PLCB2: variants seen among roughly 807,000 people sequenced by gnomAD.
PLCB2 encodes phospholipase C beta 2, also known as 1-phosphatidylinositol 4,5-bisphosphate phosphodiesterase beta-2.
PLCB2 carries 115 observed loss-of-function variants against 141.7 expected under a neutral mutation model. That is an observed-to-expected ratio of 0.81 (90% CI 0.70 to 0.95). The LOEUF (loss-of-function observed/expected upper bound fraction) is 0.95. Ranked by LOEUF, PLCB2 falls within the 40% of genes least tolerant of loss-of-function variation. The probability of loss-of-function intolerance (pLI) is 0.00; values close to 1 mark genes in which losing one functional copy is unlikely to be tolerated. For missense variants in PLCB2, 1,403 were observed against 1,541.1 expected, an observed-to-expected ratio of 0.91 and a Z score of 1.50; for synonymous variants, 603 against 595.6, an observed-to-expected ratio of 1.01 and a Z score of -0.18.
In PLCB2 at chr15:40,294,329, C is replaced by T. The variant is rs1446552902; in HGVS notation, c.1998G>A (p.Lys666=). 1 of 1,614,162 alleles carries T rather than the reference C, an allele frequency of 6.2e-7. No individual in the cohort carries two copies. Among genetic ancestry groups the T allele is most frequent in the Non-Finnish European group, 8.5e-7 (1 of 1,180,034 alleles). Residue 666 remains lysine, a synonymous_variant, in exon 19 of 32, where the codon AAG becomes AAA. Transcript: ENST00000260402. Reference sequence around the variant, plus strand: ...GGTCCACTGAGAAGGGGTTGAACTGCTTGTCCGGCCGGCGCATGAACTCAT... The same window carrying T: ...GGTCCACTGAGAAGGGGTTGAACTGTTTGTCCGGCCGGCGCATGAACTCAT... ...LKHEFMRRPD[K]QFNPFSVDRI...
rs1455456839 is a variant in PLCB2, at chr15:40,302,186, A to G, written c.456T>C (p.Leu152=). 1.2e-6 allele frequency: 2 copies of G among 1,612,730 alleles called. No homozygotes were observed. Among genetic ancestry groups the G allele is most frequent in the East Asian group, 2.2e-5 (1 of 44,846 alleles). The change falls in exon 6 of 32, where the codon CTT becomes CTC. Residue 152 remains leucine (L), a synonymous_variant. Coordinates refer to ENST00000260402, the MANE Select transcript of PLCB2 (RefSeq NM_004573.3). The stretch of plus-strand genomic sequence containing the variant: ...AGTTGAGCTGCATCTTGAGCTTCAC[A>G]AGGCTGGGGGCAGAAAGCAGCCCGT... The part of the protein sequence containing the change: ...ASRSTFLDKI[L]VKLKMQLNSE...
intron 29 of PLCB2, among the ~76,000 whole-genome samples, 180 bp downstream of exon 29, chr15:40,290,397 T>G (rs72731484): frequency 0.041 from 6,175 of 152,324 alleles, 215 homozygotes; most frequent in South Asian, 0.14. Context: ...CATGTAGTGT[T>G]GGCCTCCGTG....
rs369026214 is a variant in PLCB2, at chr15:40,298,914, A to G, written c.734T>C (p.Ile245Thr). 6.8e-6 allele frequency: 11 copies of G among 1,609,680 alleles called. No individual in the cohort carries two copies. Among genetic ancestry groups the G allele is most frequent in the African/African-American group, 1.3e-5 (1 of 74,920 alleles). ...YMTKEHLTKF[I>T]NQKQRDSRLN... ...CCGGGAGTCCCGCTGTTTCTGGTTG[A>G]TGAATTTGGTCAGGTGCTCCTTCGT... Residue 245 changes from isoleucine to threonine, a missense_variant, in exon 9 of 32, where the codon ATC (isoleucine) becomes ACC (threonine). Ile to Thr is a moderately conservative substitution (Grantham distance 89). Coordinates refer to ENST00000260402, the MANE Select transcript of PLCB2 (RefSeq NM_004573.3).
rs755036576 is a variant in PLCB2, at chr15:40,307,572, GC to G, written c.84+16del. On this transcript the variant is annotated intron_variant, in intron 1 of 31. Transcript: ENST00000260402. ...ACCACCTGGTGCTCCAGCAGCTGAG[GC>G]CCCTGCCCCACTTACATCATCCCAT... is the stretch of plus-strand genomic sequence containing the variant. 6.6e-7 allele frequency: 1 copy of G among 1,512,404 alleles called. No individual in the cohort carries two copies. The allele number at this position is 1,512,404 out of a possible 1,614,324, so 93.7% of individuals were successfully genotyped here.
At chr15:40,284,867 AAGT>A (rs2039589192), downstream of PLCB2, among the ~76,000 whole-genome samples, 1 of 137,896 alleles carries the variant, frequency 7.3e-6, no homozygotes, top group Admixed American at 7.2e-5. Context: ...AAAAAAAAGG[AAGT>A]AATTCCAGAC....
chr15:40,292,499 G>A (rs1480564747), intron 21 of PLCB2, 56 bp from the exon 22 acceptor site: 1 of 1,236,442 alleles, frequency 8.1e-7, no homozygotes, highest in East Asian at 2.4e-5. Context: ...CCAGCACTGT[G>A]CACACACAGC....
intron 1 of PLCB2, 149 bp downstream of exon 1, chr15:40,307,440 C>G: frequency 4.0e-6 from 2 of 502,716 alleles, no homozygotes; most frequent in South Asian, 6.1e-5. Context: ...GTTTGTTTAT[C>G]CAAGCAGTGG....
In PLCB2 at chr15:40,288,277, G is replaced by A. The variant is rs2039661283; in HGVS notation, c.*438C>T. On this transcript the variant is annotated 3_prime_UTR_variant, in exon 32 of 32. Coordinates refer to ENST00000260402, the MANE Select transcript of PLCB2 (RefSeq NM_004573.3). ...GACAAGGCCAACTCAGGGCAGGCCTGATGGGGCCTGGAAGCCTGGGGCAGG... is the reference window on the plus strand; with the variant it reads ...GACAAGGCCAACTCAGGGCAGGCCTAATGGGGCCTGGAAGCCTGGGGCAGG... The A allele has an allele frequency of 2.0e-6, 2 of 989,840 alleles. No individual in the cohort carries two copies. The highest frequency in any genetic ancestry group is 2.4e-6 in the Non-Finnish European group (2 of 833,108). The allele number at this position is 989,840 out of a possible 1,614,324, so 61.3% of individuals were successfully genotyped here. A position where few individuals can be genotyped will look rare whatever the true frequency, so the allele number is the denominator to read the frequency against.
Position 40,290,760 on chromosome 15 carries a change from C to T in PLCB2, c.3113+1G>A, listed in dbSNP as rs373682139. On this transcript the variant is annotated splice_donor_variant, in intron 28 of 31. Coordinates refer to ENST00000260402, the MANE Select transcript of PLCB2 (RefSeq NM_004573.3). LOFTEE classifies it high-confidence loss of function. ...CAGGTGTGGGAGGGAGGCAGTCGTA[C>T]TTCTCCGACGTCTCCTTCAGGGCCT... 2.5e-6 allele frequency: 4 copies of T among 1,613,644 alleles called. No individual in the cohort carries two copies. The highest frequency in any genetic ancestry group is 1.3e-5 in the African/African-American group (1 of 74,898).
Position 40,302,531 on chromosome 15 carries a change from C to A in PLCB2, c.310G>T (p.Gly104Cys). 1 of 1,614,190 alleles carries A rather than the reference C, an allele frequency of 6.2e-7. No homozygotes were observed. The highest frequency in any genetic ancestry group is 1.1e-5 in the South Asian group (1 of 91,088). The change falls in exon 4 of 32, where the codon GGC becomes TGC. Residue 104 changes from glycine (G) to cysteine (C), a missense_variant. Coordinates refer to ENST00000260402, the MANE Select transcript of PLCB2 (RefSeq NM_004573.3). Reference sequence around the variant, plus strand: ...AAGGTGAGGTCCACCATGTCCGGGCCGGACACCACCGTGAGTGTCTTCAGC... The same window carrying A: ...AAGGTGAGGTCCACCATGTCCGGGCAGGACACCACCGTGAGTGTCTTCAGC... ...FLLKTLTVVS[G>C]PDMVDLTFHN...
rs1280327407 is a variant in PLCB2, at chr15:40,289,905, G to C, written c.3267+120C>G. 3.2e-5 allele frequency: 27 copies of C among 854,282 alleles called. No individual in the cohort carries two copies. In the Admixed American group the frequency reaches 4.7e-4, roughly 15 times the overall value. The allele number at this position is 854,282 out of a possible 1,614,324, so 52.9% of individuals were successfully genotyped here. A position where few individuals can be genotyped will look rare whatever the true frequency, so the allele number is the denominator to read the frequency against. On this transcript the variant is annotated intron_variant, in intron 30 of 31. Transcript: ENST00000260402. ...CTCCTAAGGGCAAAGTCAGGGCCTG[G>C]GGCCACCCCTTCCTACTTGTGAAGA... is the stretch of plus-strand genomic sequence containing the variant.
chr15:40,292,242 G>T, intron 22 of PLCB2, 84 bp from the exon 23 acceptor site: 1 of 1,485,702 alleles, frequency 6.7e-7, no homozygotes, highest in Non-Finnish European at 9.4e-7. Context: ...ACTCCAGGAT[G>T]CCCCATCTGG....
chr15:40,303,215 A>T, intron 3 of PLCB2, 73 bp downstream of exon 3: 1 of 1,137,244 alleles, frequency 8.8e-7, no homozygotes, highest in Non-Finnish European at 1.3e-6. Flanking sequence ...TCCCACCCGC[A>T]CAGGGACCCC....
intron 17 of PLCB2, 55 bp downstream of exon 17, chr15:40,295,146 T>C: frequency 6.2e-7 from 1 of 1,608,280 alleles, no homozygotes; most frequent in African/African-American, 1.3e-5. Context: ...CCCCAGGCCC[T>C]CCTCTGGCTC....
chr15:40,298,064 C>G (rs2305648), intron 11 of PLCB2, 105 bp from the exon 12 acceptor site: 643,318 of 1,128,098 alleles, frequency 0.57, 189,458 homozygotes, highest in Non-Finnish European at 0.62. Context: ...CATATAACTG[C>G]ATGGCCGCCA....
chr15:40,291,647 G>T lies in PLCB2; in HGVS notation c.2606C>A (p.Ala869Asp). The change falls in exon 25 of 32, where the codon GCC becomes GAC. Residue 869 changes from alanine (A) to aspartate (D), a missense_variant. Around this residue, in one of 4 missense-constraint regions of PLCB2, gnomAD observed 975 missense variants for 1,141.1 expected, o/e 0.85. Coordinates refer to ENST00000260402, the MANE Select transcript of PLCB2 (RefSeq NM_004573.3). ...LAPTSNGSPA[A>D]RAGAREEAMK... ...AGCCTCTTCCCTGGCCCCGGCCCTG[G>T]CTGCTGCAAGAGCCACGGGCTGGGC... 1.9e-6 allele frequency: 3 copies of T among 1,613,098 alleles called. No homozygotes were observed.
In PLCB2 at chr15:40,291,472, C is replaced by A. The variant is rs780691789; in HGVS notation, c.2663G>T (p.Ser888Ile). 1 of 1,570,186 alleles carries A rather than the reference C, an allele frequency of 6.4e-7. No individual in the cohort carries two copies. ...MKEAAEPRTA[S>I]LEELRELKGV... ...CTTTAGCTCCCGGAGCTCCTCCAGG[C>A]TGGCGGTCCGCGGCTCTGCGGAGGC... The change falls in exon 26 of 32, where the codon AGC becomes ATC. Residue 888 changes from serine (S) to isoleucine (I), a missense_variant. By Grantham distance (142) the Ser-to-Ile change is moderately radical (BLOSUM62 -2). This residue lies in a region of PLCB2 where 290 missense variants were observed against 245.9 expected (regional missense o/e 1.18). Coordinates refer to ENST00000260402, the MANE Select transcript of PLCB2 (RefSeq NM_004573.3).
chr15:40,302,006 C>G lies in PLCB2; in HGVS notation c.533G>C (p.Arg178Pro). 6.2e-7 allele frequency: 1 copy of G among 1,614,140 alleles called. No homozygotes were observed. Among genetic ancestry groups the G allele is most frequent in the Non-Finnish European group, 8.5e-7 (1 of 1,180,022 alleles). Residue 178 changes from arginine to proline, a missense_variant, in exon 7 of 32, where the codon CGC (arginine) becomes CCC (proline). Physicochemically the swap from Arg to Pro is moderately radical, Grantham distance 103. Around this residue, in one of 4 missense-constraint regions of PLCB2, gnomAD observed 975 missense variants for 1,141.1 expected, o/e 0.85. Transcript: ENST00000260402. ...ACTGAGAGCAGCTTCCACCCGCTTG[C>G]GGTCAGCAGGAAACATCTGGAAAAA... The part of the protein sequence containing the change: ...KNFFQMFPAD[R>P]KRVEAALSAC...
chr15:40,306,111 T>A, intron 1 of PLCB2, among the ~76,000 whole-genome samples: 1 of 152,154 alleles, frequency 6.6e-6, no homozygotes, highest in Non-Finnish European at 1.5e-5. Context: ...ACCAAATATA[T>A]TGTAAAGAGG....
Sources: gnomAD v4.1 joint callset for allele counts (sites outside exome capture counted in the v4.1 genomes callset) on GRCh38, gnomAD v4.1.1 for gene constraint, gnomAD v4.1.1 regional missense constraint, MANE v1.5 for transcripts, NCBI Gene and HGNC (gene_info 2026-07-23, HGNC 2026-07-21) for gene names.